Variants in SCAI observed in about 807,000 individuals in gnomAD.
The protein encoded by SCAI is protein SCAI.
A neutral mutation model predicts 92.2 loss-of-function variants in SCAI; 24 were observed. The observed-to-expected ratio is 0.26, with a 90% CI of 0.19 to 0.37. The LOEUF (loss-of-function observed/expected upper bound fraction) is 0.37. Ranked by LOEUF, SCAI falls within the 10% of genes least tolerant of loss-of-function variation. The pLI is 1.00. For missense variants in SCAI, 450 were observed against 736.2 expected (o/e 0.61, Z 4.50); for synonymous variants, 261 against 258.6 (o/e 1.01, Z -0.09).
chr9:124,979,628 G>A (rs74309920), intron 14 of SCAI, among the ~76,000 whole-genome samples: 4,815 of 152,304 alleles, frequency 0.032, 234 homozygotes, highest in East Asian at 0.23. Context: ...ACAGGTAACA[G>A]TGATTATCTA....
chr9:125,027,599 C>T (rs1194411416), intron 5 of SCAI, among the ~76,000 whole-genome samples: 1 of 152,136 alleles, frequency 6.6e-6, no homozygotes, highest in African/African-American at 2.4e-5. Context: ...CGGCTCACTG[C>T]AACCTCTGCC....
chr9:125,100,037 A>G (rs1319186325), intron 2 of SCAI, among the ~76,000 whole-genome samples: 2 of 152,260 alleles, frequency 1.3e-5, no homozygotes, highest in East Asian at 3.8e-4. Context: ...CTTTCAATTT[A>G]TCTGGGCACA....
At chr9:124,975,310 G>T in intron 15 of SCAI, 2 of 456,548 alleles carry the variant, frequency 4.4e-6, no homozygotes, top group Non-Finnish European at 8.8e-6. Flanking sequence ...ATCACTTCCT[G>T]TGTCAAACTA....
chr9:125,006,376 C>A (rs773652959), intron 9 of SCAI, among the ~76,000 whole-genome samples: 1 of 152,094 alleles, frequency 6.6e-6, no homozygotes, highest in Non-Finnish European at 1.5e-5. Context: ...ACCCCCATCC[C>A]CGGTCTCTTA....
rs373035319 is a variant in SCAI at position 125,094,794 on chromosome 9, G to A, written c.99-38787C>T. On this transcript the variant is annotated intron_variant, in intron 2 of 17. Coordinates refer to ENST00000336505, the MANE Select transcript of SCAI (RefSeq NM_001144877.3). ...TAAGATTACAGGTGTAAGCCGCCAC[G>A]CCCAGCCAAAATTTATTTATTATCT... Among the ~76,000 whole-genome samples, 28 of 152,148 alleles carry A rather than the reference G, an allele frequency of 1.8e-4. No individual in the cohort carries two copies. In the East Asian group the frequency reaches 4.6e-3, roughly 25 times the overall value.
At chr9:125,087,141 C>A (rs1331174914) in intron 2 of SCAI, among the ~76,000 whole-genome samples, 1 of 152,160 alleles carries the variant, frequency 6.6e-6, no homozygotes, top group African/African-American at 2.4e-5. Context: ...TCTACTTCAC[C>A]TCCCATAGAT....
rs1212326034 is a variant in SCAI, at chr9:124,946,080, TACC to T, written c.*6724_*6726del. The T allele has an allele frequency of 6.6e-6, 1 of 152,208 alleles. No individual in the cohort carries two copies. Among genetic ancestry groups the T allele is most frequent in the African/African-American group, 2.4e-5 (1 of 41,452 alleles). The allele number at this position is 152,208 out of a possible 1,614,324, so 9.4% of individuals were successfully genotyped here. On this transcript the variant is annotated 3_prime_UTR_variant, in exon 18 of 18. Coordinates refer to ENST00000336505, the MANE Select transcript of SCAI (RefSeq NM_001144877.3). This position sits in a 1 kb window ranked among gnomAD's most constrained non-coding sequence, Gnocchi z 4.0. ...AAGTGTTTTCTACTGTACTTTTGAT[TACC>T]ACTACTGTCCTCAAATTAATATCCA...
chr9:125,106,115 AAAAAAAAATAT>A (rs1588226450), intron 2 of SCAI, among the ~76,000 whole-genome samples: 2 of 63,044 alleles, frequency 3.2e-5, no homozygotes, highest in Admixed American at 2.4e-4. Context: ...AAAAAAAAAA[AAAAAAAAATAT>A]ATATATATAT....
intron 2 of SCAI, among the ~76,000 whole-genome samples, chr9:125,124,456 T>C (rs766493640): frequency 4.6e-5 from 7 of 152,126 alleles, no homozygotes; most frequent in Non-Finnish European, 1.0e-4. Flanking sequence ...ATGGCGCAAG[T>C]TCCAATACAA....
chr9:125,128,241 C>T (rs1564132103), intron 2 of SCAI, among the ~76,000 whole-genome samples: 1 of 152,062 alleles, frequency 6.6e-6, no homozygotes, highest in Non-Finnish European at 1.5e-5. Flanking sequence ...TGCTTGAGCC[C>T]AGGCGTTCAA....
chr9:125,069,614 G>A (rs866235306), intron 2 of SCAI, among the ~76,000 whole-genome samples: 2 of 145,824 alleles, frequency 1.4e-5, no homozygotes, highest in South Asian at 4.3e-4. Context: ...CATTGCACCC[G>A]GTCTTTTTTT....
At chr9:125,114,839 T>A (rs1393836220) in intron 2 of SCAI, among the ~76,000 whole-genome samples, 1 of 148,448 alleles carries the variant, frequency 6.7e-6, no homozygotes, top group Admixed American at 6.9e-5. Context: ...AGTGGCATGA[T>A]CTCAGCTCAC....
At chr9:125,090,885 G>A (rs1224109639) in intron 2 of SCAI, among the ~76,000 whole-genome samples, 2 of 152,136 alleles carry the variant, frequency 1.3e-5, no homozygotes, top group Non-Finnish European at 2.9e-5. Flanking sequence ...TTGGGAGGCC[G>A]AGGCAGGTGG....
chr9:125,060,088 C>A (rs1833742930), intron 2 of SCAI, among the ~76,000 whole-genome samples: 2 of 152,072 alleles, frequency 1.3e-5, no homozygotes, highest in Non-Finnish European at 2.9e-5. Context: ...ACAAATATAA[C>A]AATTATTTGT....
intron 6 of SCAI, among the ~76,000 whole-genome samples, chr9:125,022,507 G>A (rs532152085): frequency 1.3e-5 from 2 of 152,166 alleles, no homozygotes; most frequent in Non-Finnish European, 2.9e-5. Flanking sequence ...AAACTCCTGG[G>A]CTCAAGCAAT....
intron 2 of SCAI, among the ~76,000 whole-genome samples, chr9:125,095,134 C>T (rs905409391): frequency 1.3e-5 from 2 of 152,298 alleles, no homozygotes; most frequent in African/African-American, 2.4e-5. Flanking sequence ...CTTCCCAAGA[C>T]AATCCCTCAT....
intron 9 of SCAI, among the ~76,000 whole-genome samples, chr9:125,010,094 C>T (rs1832599756): frequency 6.6e-6 from 1 of 152,180 alleles, no homozygotes; most frequent in South Asian, 2.1e-4. Flanking sequence ...CTACAGCTCC[C>T]AGGGTAAGCG....
At chr9:124,997,875 CA>C (rs35502581) in intron 13 of SCAI, among the ~76,000 whole-genome samples, 65,713 of 110,976 alleles carry the variant, frequency 0.59, 15,788 homozygotes, top group African/African-American at 0.65. Flanking sequence ...AACTCTGTCT[CA>C]AAAAAAAAAA....
intron 2 of SCAI, among the ~76,000 whole-genome samples, chr9:125,085,754 G>A (rs1044104240): frequency 6.6e-6 from 1 of 152,136 alleles, no homozygotes. Flanking sequence ...GCAACAAAGC[G>A]AGACCTTGTC....
Sources: allele counts gnomAD v4.1 joint callset (sites outside exome capture counted in the v4.1 genomes callset), GRCh38; gene constraint gnomAD v4.1.1; non-coding constraint Gnocchi (gnomAD v3.1); transcripts MANE v1.5; gene names NCBI Gene and HGNC (gene_info 2026-07-23, HGNC 2026-07-21).